ACSL4: variants seen among roughly 807,000 people sequenced by gnomAD.
ACSL4 encodes the protein acyl-CoA synthetase long chain family member 4.
ACSL4 carries 9 observed loss-of-function variants against 49.1 expected under a neutral mutation model. The observed-to-expected ratio is 0.18, with a 90% CI of 0.11 to 0.32. The LOEUF (loss-of-function observed/expected upper bound fraction) is 0.32. ACSL4 is among the 10% of genes least tolerant of loss of function. ACSL4 has a pLI of 1.00. For synonymous variants in ACSL4, 191 were observed against 170.3 expected, an observed-to-expected ratio of 1.12 and a Z score of -0.95; for missense variants, 333 against 493.7, an observed-to-expected ratio of 0.67 and a Z score of 3.08.
intron 1 of ACSL4, among the ~76,000 whole-genome samples, chrX:109,697,914 T>C (rs1925581787): frequency 9.1e-6 from 1 of 109,957 alleles, no homozygotes; most frequent in South Asian, 3.9e-4. Context: ...AAGGTAGAAG[T>C]TGCAGGGGAG....
rs375531106 is a variant in ACSL4 at position 109,731,540 on chromosome X, A to G, written c.-66+1599T>C. Among the ~76,000 whole-genome samples, 38 of 107,817 alleles carry G rather than the reference A, an allele frequency of 3.5e-4. No individual in the cohort carries two copies. The South Asian group carries it at 0.015, about 42-fold the overall frequency. 93.6% of individuals were successfully genotyped at this position (107,817 alleles called of 115,157 possible). On this transcript the variant is annotated intron_variant, in intron 1 of 15. Coordinates refer to ENST00000672401, the MANE Select transcript of ACSL4 (RefSeq NM_001318510.2). ...CCAAAAATACTGAAAGAAATATCTT[A>G]ATCTAAATCACTTGTGTTTTTAAAT...
At chrX:109,654,443 C>G (rs1025669018) in intron 15 of ACSL4, among the ~76,000 whole-genome samples, 6 of 110,828 alleles carry the variant, frequency 5.4e-5, no homozygotes, top group Non-Finnish European at 1.1e-4. Flanking sequence ...CAACAAAACA[C>G]GAAGAGTATA....
chrX:109,656,608 A>C (rs1359334436), intron 15 of ACSL4, among the ~76,000 whole-genome samples: 1 of 110,912 alleles, frequency 9.0e-6, no homozygotes, highest in Non-Finnish European at 1.9e-5. Context: ...AGAAACTTTA[A>C]AAAAACAACT....
At chrX:109,718,606 T>G (rs1485880291) in intron 1 of ACSL4, among the ~76,000 whole-genome samples, 2 of 111,099 alleles carry the variant, frequency 1.8e-5, no homozygotes, top group Non-Finnish European at 3.8e-5. Flanking sequence ...AATACAAAAA[T>G]TAACTGGGCA....
chrX:109,667,964 C>T, intron 11 of ACSL4, 137 bp downstream of exon 11: 1 of 459,008 alleles, frequency 2.2e-6, no homozygotes, highest in Non-Finnish European at 3.7e-6. Flanking sequence ...ATTCATAAAC[C>T]AAAACTACAC....
intron 15 of ACSL4, 38 bp from the exon 16 acceptor site, chrX:109,644,224 G>C: frequency 2.6e-6 from 3 of 1,162,482 alleles, no homozygotes; most frequent in Non-Finnish European, 3.5e-6. Flanking sequence ...AAAGGAGAGG[G>C]GGGGAAAGAG....
chrX:109,723,512 T>C (rs1200635947), intron 1 of ACSL4, among the ~76,000 whole-genome samples: 1 of 111,721 alleles, frequency 9.0e-6, no homozygotes, highest in Admixed American at 9.5e-5. Flanking sequence ...CTTAACAGCA[T>C]ACTTTGGAAC....
At chrX:109,680,436 T>G (rs1462528880) in intron 6 of ACSL4, among the ~76,000 whole-genome samples, 1 of 112,372 alleles carries the variant, frequency 8.9e-6, no homozygotes, top group African/African-American at 3.2e-5. Flanking sequence ...GCATTAAACA[T>G]AATAAGAAAA....
intron 1 of ACSL4, among the ~76,000 whole-genome samples, chrX:109,718,548 A>G (rs1361218275): frequency 8.9e-6 from 1 of 112,021 alleles, no homozygotes; most frequent in African/African-American, 3.2e-5. Context: ...TGAGCTCACA[A>G]GTTGGAGACC....
intron 2 of ACSL4, chrX:109,683,708 T>TAAAAAA (rs1443969995): frequency 8.6e-6 from 3 of 347,768 alleles, no homozygotes; most frequent in Non-Finnish European, 1.5e-5. Flanking sequence ...GCAGGAAAAA[T>TAAAAAA]AAAAACAAAA....
At chrX:109,709,619 C>G (rs1050331672) in intron 1 of ACSL4, among the ~76,000 whole-genome samples, 2 of 112,632 alleles carry the variant, frequency 1.8e-5, no homozygotes, top group African/African-American at 6.5e-5. Context: ...GTTCACAATG[C>G]TAAAAAGTAT....
At chrX:109,723,540 T>G (rs1927726528) in intron 1 of ACSL4, among the ~76,000 whole-genome samples, 1 of 111,850 alleles carries the variant, frequency 8.9e-6, no homozygotes, top group Non-Finnish European at 1.9e-5. Context: ...TCAGTGTATA[T>G]ATATGTCTAA....
At chrX:109,667,210 C>G (rs1279512469) in intron 11 of ACSL4, among the ~76,000 whole-genome samples, 1 of 112,344 alleles carries the variant, frequency 8.9e-6, no homozygotes, top group Non-Finnish European at 1.9e-5. Flanking sequence ...AATTCCTATA[C>G]CCCAGTGTTT....
intron 1 of ACSL4, among the ~76,000 whole-genome samples, chrX:109,720,268 T>G (rs1431073876): frequency 9.1e-6 from 1 of 109,453 alleles, no homozygotes; most frequent in Non-Finnish European, 1.9e-5. Flanking sequence ...AGGCAGAGAT[T>G]GCAGTGAGCC....
intron 1 of ACSL4, among the ~76,000 whole-genome samples, chrX:109,697,167 T>A: frequency 1.8e-5 from 2 of 112,930 alleles, no homozygotes; most frequent in South Asian, 7.2e-4. Flanking sequence ...GTAAACTAGT[T>A]ACCATCTGAA....
At chrX:109,707,846 GA>G (rs1388239078) in intron 1 of ACSL4, among the ~76,000 whole-genome samples, 1 of 112,202 alleles carries the variant, frequency 8.9e-6, no homozygotes, top group Non-Finnish European at 1.9e-5. Context: ...TATATGAAGT[GA>G]AATTGGTTTA....
rs1396358298 is a variant in ACSL4 at position 109,659,438 on chromosome X, C to T, written c.1771G>A (p.Val591Ile). The T allele has an allele frequency of 2.5e-6, 3 of 1,206,196 alleles. No homozygotes were observed. Among genetic ancestry groups the T allele is most frequent in the Admixed American group, 2.2e-5 (1 of 45,887 alleles). ...RLTLLAQQKGVEGTWVDICNN... is the reference protein window; with the variant it reads ...RLTLLAQQKGIEGTWVDICNN... Reference sequence around the variant, plus strand: ...CAGATATCAACCCAAGTTCCTTCTACCCCTTTCTGTTGTGCCAAAAGTGTC... The same window carrying T: ...CAGATATCAACCCAAGTTCCTTCTATCCCTTTCTGTTGTGCCAAAAGTGTC... The change falls in exon 15 of 16, where the codon GTA becomes ATA. Residue 591 changes from valine to isoleucine, a missense_variant. By Grantham distance (29) the Val-to-Ile change is conservative (BLOSUM62 3). Around this residue, in one of 3 missense-constraint regions of ACSL4, gnomAD observed 175 missense variants for 275.8 expected, o/e 0.63. Coordinates refer to ENST00000672401, the MANE Select transcript of ACSL4 (RefSeq NM_001318510.2).
chrX:109,647,720 T>C (rs1393628492), intron 15 of ACSL4, among the ~76,000 whole-genome samples: 3 of 111,033 alleles, frequency 2.7e-5, no homozygotes, highest in Non-Finnish European at 5.7e-5. Context: ...CTTCAAAAAA[T>C]TAATGAATCC....
At chrX:109,657,359 C>G (rs1921754632) in intron 15 of ACSL4, among the ~76,000 whole-genome samples, 1 of 109,290 alleles carries the variant, frequency 9.1e-6, no homozygotes, top group Non-Finnish European at 1.9e-5. Context: ...TAATGCTATC[C>G]CTCCCCCGTC....
Sources: gnomAD v4.1 joint callset for allele counts (sites outside exome capture counted in the v4.1 genomes callset) on GRCh38, gnomAD v4.1.1 for gene constraint, gnomAD v4.1.1 regional missense constraint, MANE v1.5 for transcripts, NCBI Gene and HGNC (gene_info 2026-07-23, HGNC 2026-07-21) for gene names.